The following HK2 variants were observed in gnomAD, a reference collection of about 807,000 sequenced individuals.
The protein encoded by HK2 is hexokinase-2.
HK2 carries 42 observed loss-of-function variants against 92.9 expected under a neutral mutation model. The ratio of observed to expected loss-of-function variants is 0.45; its 90% CI spans 0.35 to 0.58. HK2 has a LOEUF of 0.58. Ranked by LOEUF, HK2 falls within the 20% of genes least tolerant of loss-of-function variation. The probability of loss-of-function intolerance (pLI) is 0.00; values close to 1 mark genes in which losing one functional copy is unlikely to be tolerated. For synonymous variants in HK2, 422 were observed against 468.0 expected (o/e 0.90, Z 1.27); for missense variants, 978 against 1,245.1 (o/e 0.79, Z 3.23).
rs1688085333 is a variant in HK2 at position 74,834,143 on chromosome 2, C to A, written c.-438C>A. On this transcript the variant is annotated 5_prime_UTR_variant, in exon 1 of 18. Transcript: ENST00000290573. This position sits in a 1 kb window ranked among gnomAD's most constrained non-coding sequence, Gnocchi z 4.2. ...CAATAAGCCACATTGTTGCATGAAA[C>A]TCCGGCGCAGGAGTCCCGGGCTGCC... 1 of 335,040 alleles carries A rather than the reference C, an allele frequency of 3.0e-6. No individual in the cohort carries two copies. Among genetic ancestry groups the A allele is most frequent in the Admixed American group, 4.0e-5 (1 of 25,180 alleles). 20.8% of individuals were successfully genotyped at this position (335,040 alleles called of 1,614,324 possible).
intron 2 of HK2, among the ~76,000 whole-genome samples, chr2:74,860,465 ATG>A (rs1224348438): frequency 3.3e-5 from 5 of 152,208 alleles, no homozygotes; most frequent in African/African-American, 1.2e-4. Context: ...TTTTCCACAT[ATG>A]TGAGTTTTGC....
chr2:74,875,621 G>A (rs571984342), intron 7 of HK2, among the ~76,000 whole-genome samples: 6 of 152,290 alleles, frequency 3.9e-5, no homozygotes, highest in African/African-American at 9.6e-5. Context: ...GAGCCACCGC[G>A]CCCGGCCTGA....
At chr2:74,865,706 T>A (rs139998454) in intron 2 of HK2, among the ~76,000 whole-genome samples, 51 of 152,092 alleles carry the variant, frequency 3.4e-4, no homozygotes, top group African/African-American at 1.2e-3. Context: ...AAATGGAAAA[T>A]TAGTGCCCCT....
intron 6 of HK2, 94 bp from the exon 7 acceptor site, chr2:74,874,172 C>G: frequency 6.7e-7 from 1 of 1,501,770 alleles, no homozygotes; most frequent in Non-Finnish European, 9.2e-7. Flanking sequence ...CCCAGCCATC[C>G]TGGCCGGGCA....
intron 10 of HK2, 75 bp downstream of exon 10, chr2:74,880,644 T>G: frequency 1.5e-6 from 2 of 1,378,810 alleles, no homozygotes; most frequent in Non-Finnish European, 2.0e-6. Flanking sequence ...AGGGATCCCT[T>G]AGCATTAGCA....
At chr2:74,844,338 CTT>C (rs1220423794) in intron 1 of HK2, among the ~76,000 whole-genome samples, 1 of 152,140 alleles carries the variant, frequency 6.6e-6, no homozygotes, top group Non-Finnish European at 1.5e-5. Flanking sequence ...AGCATGAACT[CTT>C]ATCATTTTAG....
Position 74,860,134 on chromosome 2 carries a change from A to T in HK2, c.226+5679A>T, listed in dbSNP as rs533286036. Among the ~76,000 whole-genome samples, 27 of 146,258 alleles carry T rather than the reference A, an allele frequency of 1.8e-4. No individual in the cohort carries two copies. The East Asian group carries it at 5.8e-3, about 31-fold the overall frequency. ...AACAGTGTGTCCACATGGACATAGA[A>T]AGTGGAATGATAGACCATGGAGACT... On this transcript the variant is annotated intron_variant, in intron 2 of 17. Coordinates refer to ENST00000290573, the MANE Select transcript of HK2 (RefSeq NM_000189.5).
At chr2:74,839,738 A>G (rs948619145) in intron 1 of HK2, among the ~76,000 whole-genome samples, 11 of 151,336 alleles carry the variant, frequency 7.3e-5, no homozygotes, top group African/African-American at 1.7e-4. Context: ...GCTCACTGCA[A>G]CCTCCACCTC....
Position 74,867,767 on chromosome 2 carries a change from C to T in HK2, c.358C>T (p.Arg120Ter), listed in dbSNP as rs1216673498. 4.3e-6 allele frequency: 7 copies of T among 1,614,070 alleles called. No individual in the cohort carries two copies. The highest frequency in any genetic ancestry group is 4.5e-5 in the East Asian group (2 of 44,874). The change falls in exon 3 of 18, where the codon CGA becomes TGA. Residue 120 changes from arginine (R) to a stop codon, truncating the protein, a stop_gained. Transcript: ENST00000290573. LOFTEE classifies it high-confidence loss of function. ...CTATGCCATCCCTGAGGACATCATG[C>T]GAGGCAGTGGCACCCAGGTATGACC... ...QIYAIPEDIM[R>*]GSGTQLFDHI...
At chr2:74,873,239 G>T in intron 4 of HK2, 37 bp from the exon 5 acceptor site, 5 of 1,494,794 alleles carry the variant, frequency 3.3e-6, no homozygotes, top group Non-Finnish European at 4.7e-6. Context: ...TTCAGTTTTA[G>T]TGGGAAATCA....
intron 12 of HK2, among the ~76,000 whole-genome samples, chr2:74,883,414 G>C (rs1309261736): frequency 6.6e-6 from 1 of 152,204 alleles, no homozygotes; most frequent in Admixed American, 6.5e-5. Context: ...AGAAGAATGA[G>C]TTGATGGGAA....
chr2:74,863,245 A>C (rs957428593), intron 2 of HK2, among the ~76,000 whole-genome samples: 4 of 152,218 alleles, frequency 2.6e-5, no homozygotes, highest in African/African-American at 9.7e-5. Context: ...CCCTCCCTTC[A>C]GTTGGAGCAG....
chr2:74,885,740 G>T (rs1221806976), intron 13 of HK2, 151 bp downstream of exon 13: 1 of 700,816 alleles, frequency 1.4e-6, no homozygotes, highest in Non-Finnish European at 2.6e-6. Flanking sequence ...AGTGTGCACT[G>T]TGTGTCAAGC....
At chr2:74,841,287 C>G (rs1334748207) in intron 1 of HK2, among the ~76,000 whole-genome samples, 2 of 150,418 alleles carry the variant, frequency 1.3e-5, no homozygotes, top group Admixed American at 6.7e-5. Context: ...TTACTGACAT[C>G]TAGTAAGCAG....
In HK2 at chr2:74,890,991, T is replaced by A. The variant is rs1689664656; in HGVS notation, c.*50T>A. ...CCTCTTTCTCTCCTTCTTCCCTGTT[T>A]TAAATTATAAGATGTCATCCCCTTG... is the stretch of plus-strand genomic sequence containing the variant. On this transcript the variant is annotated 3_prime_UTR_variant, in exon 18 of 18. Transcript: ENST00000290573. 6.2e-7 allele frequency: 1 copy of A among 1,601,648 alleles called. No homozygotes were observed. The highest frequency in any genetic ancestry group is 1.3e-5 in the African/African-American group (1 of 74,894).
rs1292445585 is a variant in HK2 at position 74,854,399 on chromosome 2, C to G, written c.170C>G (p.Pro57Arg). 6.2e-7 allele frequency: 1 copy of G among 1,614,102 alleles called. No individual in the cohort carries two copies. The highest frequency in any genetic ancestry group is 8.5e-7 in the Non-Finnish European group (1 of 1,180,052). ...AAAGGGCTTGGAGCCACCACTCACC[C>G]TACTGCAGCAGTGAAGATGCTGCCC... ...MEKGLGATTH[P>R]TAAVKMLPTF... The change falls in exon 2 of 18, where the codon CCT becomes CGT. Residue 57 changes from proline (P) to arginine (R), a missense_variant. Pro to Arg is a moderately radical substitution (Grantham distance 103, BLOSUM62 -2). Around this residue, in one of 3 missense-constraint regions of HK2, gnomAD observed 189 missense variants for 289.5 expected, o/e 0.65. Transcript: ENST00000290573.
At chr2:74,888,486 A>G (rs950516892) in intron 16 of HK2, among the ~76,000 whole-genome samples, 7 of 152,256 alleles carry the variant, frequency 4.6e-5, no homozygotes, top group African/African-American at 1.7e-4. Context: ...ATGCAGACAC[A>G]TGCCACACAG....
intron 10 of HK2, among the ~76,000 whole-genome samples, chr2:74,881,426 T>C (rs1426512246): frequency 2.0e-5 from 3 of 152,206 alleles, no homozygotes; most frequent in Non-Finnish European, 4.4e-5. Context: ...AAGAGAGGAA[T>C]GCAGTGTCTC....
intron 9 of HK2, among the ~76,000 whole-genome samples, chr2:74,879,440 C>A (rs901432145): frequency 3.9e-5 from 6 of 152,216 alleles, no homozygotes; most frequent in African/African-American, 1.2e-4. Flanking sequence ...ATCATTTTCA[C>A]CTAATAAGAA....
Sources: gnomAD v4.1 joint callset for allele counts (sites outside exome capture counted in the v4.1 genomes callset) on GRCh38, gnomAD v4.1.1 for gene constraint, gnomAD v4.1.1 regional missense constraint, Gnocchi (gnomAD v3.1) non-coding constraint, MANE v1.5 for transcripts, NCBI Gene and HGNC (gene_info 2026-07-23, HGNC 2026-07-21) for gene names.